The following EPHB1 variants were observed in gnomAD, a reference collection of about 807,000 sequenced individuals.
EPHB1 encodes the protein EPH receptor B1, also known as ephrin type-B receptor 1.
A neutral mutation model predicts 94.4 loss-of-function variants in EPHB1; 30 were observed. The observed-to-expected ratio is 0.32, with a 90% CI of 0.24 to 0.43. The LOEUF is 0.43. EPHB1 is among the 20% of genes least tolerant of loss of function. EPHB1 has a pLI of 1.00. For synonymous variants in EPHB1, 522 were observed against 489.1 expected, an observed-to-expected ratio of 1.07 and a Z score of -0.89; for missense variants, 1,055 against 1,308.3, an observed-to-expected ratio of 0.81 and a Z score of 2.99.
chr3:135,056,589 G>A (rs1377474055), intron 3 of EPHB1, among the ~76,000 whole-genome samples: 3 of 152,352 alleles, frequency 2.0e-5, no homozygotes, highest in African/African-American at 7.2e-5. Context: ...GCAAAGGCAG[G>A]CCCACAACCA....
chr3:135,176,051 C>G (rs1941970060), intron 9 of EPHB1, among the ~76,000 whole-genome samples: 1 of 152,036 alleles, frequency 6.6e-6, no homozygotes, highest in Admixed American at 6.5e-5. Context: ...TTTTTTTCCC[C>G]TCATCATCTT....
intron 9 of EPHB1, among the ~76,000 whole-genome samples, chr3:135,168,749 G>C (rs182361996): frequency 6.6e-6 from 1 of 152,138 alleles, no homozygotes; most frequent in Admixed American, 6.5e-5. Flanking sequence ...CCACTGTAAG[G>C]TCCATTTCAG....
intron 12 of EPHB1, among the ~76,000 whole-genome samples, chr3:135,208,739 G>A (rs777890571): frequency 6.6e-6 from 1 of 152,218 alleles, no homozygotes; most frequent in African/African-American, 2.4e-5. Flanking sequence ...AGGTATTAGT[G>A]TGAACCGGTG....
chr3:134,940,582 G>C (rs1474925464), intron 2 of EPHB1, among the ~76,000 whole-genome samples: 2 of 152,172 alleles, frequency 1.3e-5, no homozygotes, highest in South Asian at 2.1e-4. Flanking sequence ...TGGGGAACTT[G>C]TTCTGGTTGC....
Position 134,795,557 on chromosome 3 carries a change from C to G in EPHB1, c.-75C>G. 2.1e-6 allele frequency: 3 copies of G among 1,436,134 alleles called. No individual in the cohort carries two copies. The highest frequency in any genetic ancestry group is 2.9e-6 in the Non-Finnish European group (3 of 1,041,524). The allele number at this position is 1,436,134 out of a possible 1,614,324, so 89.0% of individuals were successfully genotyped here. ...GAGAAGCCACCCGCGGAGAGCGCAG[C>G]GGCGCCCTGGGACGCGGCGCTCTCC... On this transcript the variant is annotated 5_prime_UTR_variant, in exon 1 of 16. Coordinates refer to ENST00000398015, the MANE Select transcript of EPHB1 (RefSeq NM_004441.5).
rs115627796 is a variant in EPHB1, at chr3:135,198,759, T to C, written c.2131-2715T>C. Among the ~76,000 whole-genome samples, 770 of 152,346 alleles carry C rather than the reference T, an allele frequency of 5.1e-3. 8 individuals are homozygous for C. The highest frequency in any genetic ancestry group is 0.018 in the African/African-American group (734 of 41,580). ...TACCGTCTTAGGATACACAAGGCAC[T>C]GAGCTAGGGCCTTTCATATGTGTTA... On this transcript the variant is annotated intron_variant, in intron 11 of 15. Coordinates refer to ENST00000398015, the MANE Select transcript of EPHB1 (RefSeq NM_004441.5).
Position 135,167,022 on chromosome 3 carries a change from A to G in EPHB1, c.1759+16A>G. 1.2e-6 allele frequency: 2 copies of G among 1,613,884 alleles called. No homozygotes were observed. The highest frequency in any genetic ancestry group is 1.7e-6 in the Non-Finnish European group (2 of 1,179,828). The stretch of plus-strand genomic sequence containing the variant: ...ACAGGCCGAGGTAAGTAGAAAGCAG[A>G]GACCCGGTGTCTGACCCCCACAGGC... On this transcript the variant is annotated intron_variant, in intron 9 of 15. Coordinates refer to ENST00000398015, the MANE Select transcript of EPHB1 (RefSeq NM_004441.5).
intron 3 of EPHB1, among the ~76,000 whole-genome samples, chr3:134,968,612 T>G (rs551061678): frequency 3.9e-5 from 6 of 152,328 alleles, no homozygotes; most frequent in South Asian, 4.2e-4. Context: ...TTTGACTTCT[T>G]AACTTATTTA....
intron 1 of EPHB1, chr3:134,823,934 A>T (rs1398848267): frequency 6.6e-6 from 1 of 152,180 alleles, no homozygotes; most frequent in Non-Finnish European, 1.5e-5. Flanking sequence ...ATTAGCACAG[A>T]TGCGGAAGGC....
intron 1 of EPHB1, among the ~76,000 whole-genome samples, chr3:134,819,195 A>G (rs954504441): frequency 7.9e-5 from 12 of 152,210 alleles, no homozygotes; most frequent in East Asian, 1.9e-4. Context: ...TTAGGTAGGC[A>G]TAAACACACC....
intron 3 of EPHB1, among the ~76,000 whole-genome samples, chr3:135,034,308 T>G (rs1475968978): frequency 6.6e-6 from 1 of 152,260 alleles, no homozygotes; most frequent in East Asian, 1.9e-4. Context: ...CCCTCAGACC[T>G]TCATGGTCCA....
At chr3:135,116,651 A>G (rs1939727897) in intron 4 of EPHB1, among the ~76,000 whole-genome samples, 1 of 152,154 alleles carries the variant, frequency 6.6e-6, no homozygotes, top group Non-Finnish European at 1.5e-5. Context: ...ACATTGTCCC[A>G]AAGCCAGGTT....
chr3:135,132,095 A>G (rs955012348), intron 4 of EPHB1, among the ~76,000 whole-genome samples: 1 of 152,108 alleles, frequency 6.6e-6, no homozygotes, highest in Non-Finnish European at 1.5e-5. Flanking sequence ...TGGGGCCCAA[A>G]GTGACTACAT....
At chr3:135,161,641 G>A (rs1432973931) in intron 6 of EPHB1, among the ~76,000 whole-genome samples, 1 of 152,180 alleles carries the variant, frequency 6.6e-6, no homozygotes, top group Non-Finnish European at 1.5e-5. Flanking sequence ...ATGTTGCCTA[G>A]TTTGAGTCTG....
At chr3:135,096,644 G>A (rs1938777893) in intron 3 of EPHB1, among the ~76,000 whole-genome samples, 1 of 152,208 alleles carries the variant, frequency 6.6e-6, no homozygotes, top group Non-Finnish European at 1.5e-5. Context: ...GGTCTGGTGA[G>A]GGCCCACTTC....
chr3:135,005,542 C>T (rs1259762006), intron 3 of EPHB1, among the ~76,000 whole-genome samples: 2 of 152,198 alleles, frequency 1.3e-5, no homozygotes, highest in Non-Finnish European at 2.9e-5. Flanking sequence ...CAATGGTGGG[C>T]GCCCCTCCCC....
intron 3 of EPHB1, among the ~76,000 whole-genome samples, chr3:135,036,045 C>A (rs1936635258): frequency 6.6e-6 from 1 of 152,214 alleles, no homozygotes; most frequent in African/African-American, 2.4e-5. Flanking sequence ...TCTCTCCATC[C>A]ATTCACTATT....
intron 12 of EPHB1, among the ~76,000 whole-genome samples, chr3:135,221,735 A>G: frequency 6.6e-6 from 1 of 152,208 alleles, no homozygotes; most frequent in East Asian, 1.9e-4. Context: ...ATACTATATT[A>G]CGCCTCATGT....
At chr3:134,882,765 C>CTTTCTTTCTTTCTTTCTTTCTTTCTTT (rs1553861895) in intron 1 of EPHB1, among the ~76,000 whole-genome samples, 3 of 79,882 alleles carry the variant, frequency 3.8e-5, no homozygotes, top group African/African-American at 9.0e-5. Flanking sequence ...TTCCTTCCTT[C>CTTTCTTTCTTTCTTTCTTTCTTTCTTT]CTTTCTTTCT....
Sources: allele counts gnomAD v4.1 joint callset (sites outside exome capture counted in the v4.1 genomes callset), GRCh38; gene constraint gnomAD v4.1.1; transcripts MANE v1.5; gene names NCBI Gene and HGNC (gene_info 2026-07-23, HGNC 2026-07-21).